Variants in SETD3 observed in about 807,000 individuals in gnomAD.
SETD3 encodes the protein SET domain containing 3, actin N3(tau)-histidine methyltransferase, also known as actin-histidine N-methyltransferase.
In SETD3, 19 loss-of-function variants were observed where a neutral mutation model predicts 63.0. The ratio of observed to expected loss-of-function variants is 0.30; its 90% CI spans 0.21 to 0.44. SETD3 has a LOEUF of 0.44. Among genes scored for constraint, SETD3 ranks in the 20% least tolerant of loss-of-function variants. SETD3 has a pLI of 1.00. For missense variants in SETD3, 587 were observed against 728.5 expected, an observed-to-expected ratio of 0.81 and a Z score of 2.24; for synonymous variants, 286 against 264.1, an observed-to-expected ratio of 1.08 and a Z score of -0.80.
intron 8 of SETD3, chr14:99,410,385 G>A (rs1382999573): frequency 2.3e-6 from 2 of 873,690 alleles, no homozygotes; most frequent in East Asian, 3.0e-5. Flanking sequence ...ACAAACAGAA[G>A]GACCCTGAAA....
chr14:99,400,379 T>G, intron 11 of SETD3, 120 bp from the exon 12 acceptor site: 2 of 1,113,358 alleles, frequency 1.8e-6, no homozygotes, highest in Non-Finnish European at 2.6e-6. Context: ...GTAAAAGCTG[T>G]CCCTACGCAA....
At position 99,406,092 on chromosome 14, in the gene SETD3, G is replaced by A. The variant is rs111704336; in HGVS notation, c.924+424C>T. ...AGATTAAAAAATCAGAGATTAAAAT[G>A]AAAGTATAAGACAACAGATTCCCTT... is the stretch of plus-strand genomic sequence containing the variant. On this transcript the variant is annotated intron_variant, in intron 9 of 12. Transcript: ENST00000331768. Among the ~76,000 whole-genome samples the A allele has an allele frequency of 7.8e-3, 1,184 of 152,190 alleles. 13 individuals are homozygous for A. Among genetic ancestry groups the A allele is most frequent in the African/African-American group, 0.027 (1,113 of 41,536 alleles).
intron 1 of SETD3, among the ~76,000 whole-genome samples, chr14:99,466,451 C>T (rs999807890): frequency 9.2e-5 from 14 of 152,200 alleles, no homozygotes; most frequent in African/African-American, 3.4e-4. Flanking sequence ...GGGTCCTCTG[C>T]GGGCATGTGA....
chr14:99,472,813 A>G (rs1895774933), intron 1 of SETD3, among the ~76,000 whole-genome samples: 1 of 152,250 alleles, frequency 6.6e-6, no homozygotes, highest in African/African-American at 2.4e-5. Flanking sequence ...TATCTTAAAG[A>G]AAACAGGAAA....
intron 6 of SETD3, among the ~76,000 whole-genome samples, chr14:99,433,909 C>T (rs997418018): frequency 6.6e-6 from 1 of 152,118 alleles, no homozygotes; most frequent in Non-Finnish European, 1.5e-5. Context: ...AAAAACCAAG[C>T]GCTAATGAGG....
intron 6 of SETD3, among the ~76,000 whole-genome samples, chr14:99,423,794 A>C (rs970809860): frequency 6.6e-6 from 1 of 152,094 alleles, no homozygotes; most frequent in Non-Finnish European, 1.5e-5. Flanking sequence ...GAGTGCACCC[A>C]CCTGTACCTG....
At chr14:99,459,520 C>CT (rs1218668619) in intron 4 of SETD3, among the ~76,000 whole-genome samples, 2 of 152,142 alleles carry the variant, frequency 1.3e-5, no homozygotes, top group East Asian at 3.8e-4. Context: ...CTTTACTGTA[C>CT]TTTTAAGTTC....
chr14:99,422,858 C>T (rs1322109999), intron 6 of SETD3, among the ~76,000 whole-genome samples: 1 of 152,180 alleles, frequency 6.6e-6, no homozygotes, highest in Admixed American at 6.5e-5. Flanking sequence ...ACCCTTCCCC[C>T]ATCAAAGGCT....
At chr14:99,410,579 A>C (rs1891932179) in intron 8 of SETD3, among the ~76,000 whole-genome samples, 1 of 152,232 alleles carries the variant, frequency 6.6e-6, no homozygotes, top group Admixed American at 6.5e-5. Context: ...AACAAAGGAA[A>C]CCTGCTGCTT....
At chr14:99,479,341 A>G (rs1227952249) in intron 1 of SETD3, among the ~76,000 whole-genome samples, 2 of 152,210 alleles carry the variant, frequency 1.3e-5, no homozygotes, top group Non-Finnish European at 2.9e-5. Context: ...GAATTTCACC[A>G]AAGTATCAAT....
intron 3 of SETD3, among the ~76,000 whole-genome samples, 196 bp downstream of exon 3, chr14:99,463,290 T>C (rs1029795344): frequency 1.5e-4 from 23 of 152,316 alleles, no homozygotes; most frequent in African/African-American, 4.8e-4. Flanking sequence ...TCTCACCCTT[T>C]CCGAAGCAGG....
chr14:99,458,604 T>C (rs1894894846), intron 5 of SETD3, 69 bp from the exon 6 acceptor site: 15 of 1,532,158 alleles, frequency 9.8e-6, no homozygotes, highest in Non-Finnish European at 1.2e-5. Context: ...AAATATACGT[T>C]TACAAATTAC....
At chr14:99,423,742 G>T (rs1169731720) in intron 6 of SETD3, among the ~76,000 whole-genome samples, 1 of 151,866 alleles carries the variant, frequency 6.6e-6, no homozygotes, top group African/African-American at 2.4e-5. Flanking sequence ...AACTGAACAG[G>T]GTAAAATCTG....
the SETD3 span, among the ~76,000 whole-genome samples, chr14:99,486,120 A>C: frequency 6.6e-6 from 1 of 152,258 alleles, no homozygotes; most frequent in Admixed American, 6.5e-5. Flanking sequence ...ATCACCAATT[A>C]AAGTAAACTT....
At chr14:99,441,075 T>G (rs1017079493) in intron 6 of SETD3, among the ~76,000 whole-genome samples, 1 of 152,218 alleles carries the variant, frequency 6.6e-6, no homozygotes, top group Non-Finnish European at 1.5e-5. Flanking sequence ...CTCTCAGGTT[T>G]AGCATTCATC....
intron 4 of SETD3, among the ~76,000 whole-genome samples, chr14:99,459,475 C>T (rs890241531): frequency 2.0e-5 from 3 of 152,158 alleles, no homozygotes; most frequent in African/African-American, 7.2e-5. Flanking sequence ...GCAAATATAA[C>T]ATTTGGAGTA....
upstream of SETD3, among the ~76,000 whole-genome samples, chr14:99,484,443 CATG>C (rs1408246925): frequency 3.3e-5 from 5 of 152,072 alleles, no homozygotes; most frequent in Non-Finnish European, 5.9e-5. Flanking sequence ...AAAGAAAAAT[CATG>C]ATGAGAAAAA....
intron 6 of SETD3, among the ~76,000 whole-genome samples, chr14:99,456,216 T>C (rs145980159): frequency 6.6e-6 from 1 of 152,380 alleles, no homozygotes; most frequent in East Asian, 1.9e-4. Flanking sequence ...CAGACACATT[T>C]TGCTCTTCTC....
upstream of SETD3, among the ~76,000 whole-genome samples, chr14:99,483,951 C>T (rs1253783122): frequency 2.0e-5 from 3 of 152,154 alleles, no homozygotes; most frequent in African/African-American, 4.8e-5. Context: ...AGATGACACT[C>T]AGAAATCAAA....
Sources: gnomAD v4.1 joint callset for allele counts (sites outside exome capture counted in the v4.1 genomes callset) on GRCh38, gnomAD v4.1.1 for gene constraint, MANE v1.5 for transcripts, NCBI Gene and HGNC (gene_info 2026-07-23, HGNC 2026-07-21) for gene names.